The following MTA3 variants were observed in gnomAD, a reference collection of about 807,000 sequenced individuals.
MTA3 encodes the protein metastasis associated 1 family member 3.
In MTA3, 34 loss-of-function variants were observed where a neutral mutation model predicts 83.5. That is an observed-to-expected ratio of 0.41 (90% CI 0.31 to 0.54). MTA3 has a LOEUF of 0.54. MTA3 is among the 20% of genes least tolerant of loss of function. The probability of loss-of-function intolerance (pLI) is 0.33; values close to 1 mark genes in which losing one functional copy is unlikely to be tolerated. For missense variants in MTA3, 761 were observed against 726.4 expected (o/e 1.05, Z -0.55); for synonymous variants, 303 against 252.7 (o/e 1.20, Z -1.89).
rs72988019 is a variant in MTA3 at position 42,522,567 on chromosome 2, G to A, written c.-141+27313G>A. Among the ~76,000 whole-genome samples the A allele has an allele frequency of 8.4e-3, 1,272 of 152,156 alleles. 21 individuals carry two copies. Among genetic ancestry groups the A allele is most frequent in the African/African-American group, 0.029 (1,204 of 41,522 alleles). ...TCTCAGCACTTTGGGAGGCTAAAACGGGAGAATTGCTTGAGCCCAGGAATT... is the reference window on the plus strand; with the variant it reads ...TCTCAGCACTTTGGGAGGCTAAAACAGGAGAATTGCTTGAGCCCAGGAATT... On this transcript the variant is annotated intron_variant, in intron 2 of 17. Transcript: ENST00000405592.
chr2:42,615,676 G>A (rs1442009932), intron 4 of MTA3, among the ~76,000 whole-genome samples: 1 of 136,496 alleles, frequency 7.3e-6, no homozygotes, highest in Admixed American at 7.6e-5. Flanking sequence ...ATTCTTTAAG[G>A]AAATAAGTCA....
At chr2:42,671,321 A>G (rs1486809827) in intron 8 of MTA3, among the ~76,000 whole-genome samples, 9 of 152,124 alleles carry the variant, frequency 5.9e-5, no homozygotes, top group Non-Finnish European at 1.0e-4. Flanking sequence ...GTAGTTACAA[A>G]TAGATTTTCA....
At chr2:42,694,076 G>A (rs947685015) in intron 9 of MTA3, among the ~76,000 whole-genome samples, 1 of 152,128 alleles carries the variant, frequency 6.6e-6, no homozygotes, top group Non-Finnish European at 1.5e-5. Flanking sequence ...TGGAATGGGG[G>A]CCTCACGACT....
chr2:42,541,203 G>A (rs572388678), intron 2 of MTA3, among the ~76,000 whole-genome samples: 93 of 152,088 alleles, frequency 6.1e-4, no homozygotes, highest in African/African-American at 2.1e-3. Context: ...GGCTAATTTT[G>A]TATTTTTAGT....
intron 2 of MTA3, among the ~76,000 whole-genome samples, chr2:42,507,708 C>T (rs1674698434): frequency 6.6e-6 from 1 of 151,068 alleles, no homozygotes; most frequent in African/African-American, 2.4e-5. Flanking sequence ...GTGGGAGGAT[C>T]ACTTGAGCCC....
At chr2:42,602,522 C>T (rs1682707004) in intron 3 of MTA3, among the ~76,000 whole-genome samples, 1 of 152,138 alleles carries the variant, frequency 6.6e-6, no homozygotes, top group South Asian at 2.1e-4. Flanking sequence ...TTCACTTCCT[C>T]TGTTAATGTA....
At chr2:42,664,475 T>A (rs1690037774) in intron 8 of MTA3, among the ~76,000 whole-genome samples, 1 of 131,714 alleles carries the variant, frequency 7.6e-6, no homozygotes, top group Admixed American at 7.7e-5. Flanking sequence ...CCTTTTTTTT[T>A]TTTTTTTTTT....
chr2:42,587,251 G>A lies in MTA3; in HGVS notation c.190+8051G>A, dbSNP rs139016428. 2.8e-3 allele frequency among the ~76,000 whole-genome samples: 420 copies of A among 152,204 alleles called. 4 individuals carry two copies. Among genetic ancestry groups the A allele is most frequent in the African/African-American group, 9.8e-3 (407 of 41,530 alleles). On this transcript the variant is annotated intron_variant, in intron 3 of 16. Coordinates refer to ENST00000405094, the MANE Select transcript of MTA3 (RefSeq NM_001330442.2). ...GTACAGATCGCTGGAGGTTGAGGCTGCAGTAAGCCATGATTGCGCCACTGC... is the reference window on the plus strand; with the variant it reads ...GTACAGATCGCTGGAGGTTGAGGCTACAGTAAGCCATGATTGCGCCACTGC...
chr2:42,672,294 C>A (rs1690867017), intron 8 of MTA3, among the ~76,000 whole-genome samples: 2 of 150,908 alleles, frequency 1.3e-5, no homozygotes, highest in South Asian at 4.2e-4. Flanking sequence ...AGCTTGAGAC[C>A]AGGAGTTTGA....
At chr2:42,511,324 G>T (rs1572900288) in intron 2 of MTA3, among the ~76,000 whole-genome samples, 1 of 150,336 alleles carries the variant, frequency 6.7e-6, no homozygotes. Context: ...TTCAATTCTG[G>T]TGTGTGTGAT....
chr2:42,537,001 A>G (rs1481439447), intron 2 of MTA3, among the ~76,000 whole-genome samples: 2 of 152,210 alleles, frequency 1.3e-5, no homozygotes. Flanking sequence ...TCTCTGTAGA[A>G]CACATCCAAG....
intron 8 of MTA3, among the ~76,000 whole-genome samples, chr2:42,670,173 C>T (rs968205515): frequency 1.3e-5 from 2 of 151,986 alleles, no homozygotes. Flanking sequence ...GCAGAAGAAT[C>T]GCTTGAACCC....
At chr2:42,636,013 C>T (rs1687158007) in intron 4 of MTA3, among the ~76,000 whole-genome samples, 1 of 152,126 alleles carries the variant, frequency 6.6e-6, no homozygotes, top group African/African-American at 2.4e-5. Context: ...AGGCAATCTG[C>T]CCGCCTCAGC....
At chr2:42,726,644 G>A (rs1212044140) in intron 16 of MTA3, among the ~76,000 whole-genome samples, 1 of 152,120 alleles carries the variant, frequency 6.6e-6, no homozygotes, top group East Asian at 1.9e-4. Flanking sequence ...TCTTGATGAT[G>A]GGAAAGGAGT....
chr2:42,649,413 C>CA (rs575738534), intron 6 of MTA3, among the ~76,000 whole-genome samples: 152 of 130,020 alleles, frequency 1.2e-3, no homozygotes, highest in South Asian at 4.4e-3. Context: ...ACTCCCTCTC[C>CA]AAAAAAAAAA....
intron 2 of MTA3, among the ~76,000 whole-genome samples, chr2:42,518,899 G>A (rs771951635): frequency 6.6e-6 from 1 of 151,534 alleles, no homozygotes; most frequent in Non-Finnish European, 1.5e-5. Flanking sequence ...CTTCGAGGTT[G>A]AAGCTACAGT....
chr2:42,600,565 C>T (rs7583828), intron 3 of MTA3, among the ~76,000 whole-genome samples: 113,227 of 150,926 alleles, frequency 0.75, 42,838 homozygotes, highest in Middle Eastern at 0.87. Context: ...GTTTTGAGAC[C>T]GAGTCTTGCT....
In MTA3 at chr2:42,753,854, T is replaced by A; in HGVS notation, c.*455T>A. The A allele has an allele frequency of 1.0e-6, 1 of 990,504 alleles. No homozygotes were observed. The highest frequency in any genetic ancestry group is 1.2e-6 in the Non-Finnish European group (1 of 833,500). 61.4% of individuals were successfully genotyped at this position (990,504 alleles called of 1,614,324 possible). On this transcript the variant is annotated 3_prime_UTR_variant, in exon 17 of 17. Transcript: ENST00000405094. Reference sequence around the variant, plus strand: ...GGCCATGGCATCTTTCTGAATGGATTTTTCTTAAGAAATGCGCCAGTGTTT... The same window carrying A: ...GGCCATGGCATCTTTCTGAATGGATATTTCTTAAGAAATGCGCCAGTGTTT...
chr2:42,741,063 C>G (rs961853758), intron 16 of MTA3, among the ~76,000 whole-genome samples: 2 of 152,266 alleles, frequency 1.3e-5, no homozygotes, highest in African/African-American at 4.8e-5. Context: ...ATCTAGATAA[C>G]TTGCTACAGC....
Sources: allele counts gnomAD v4.1 joint callset (sites outside exome capture counted in the v4.1 genomes callset), GRCh38; gene constraint gnomAD v4.1.1; transcripts MANE v1.5; gene names NCBI Gene and HGNC (gene_info 2026-07-23, HGNC 2026-07-21).